KAZN: variants seen among roughly 807,000 people sequenced by gnomAD.
KAZN encodes the protein kazrin.
KAZN carries 40 observed loss-of-function variants against 87.4 expected under a neutral mutation model. That is an observed-to-expected ratio of 0.46 (90% CI 0.36 to 0.60). The LOEUF is 0.60. Ranked by LOEUF, KAZN falls within the 20% of genes least tolerant of loss-of-function variation. The pLI, the probability that KAZN is intolerant of heterozygous loss-of-function variation, is 0.00. For missense variants in KAZN, 898 were observed against 1,073.9 expected (o/e 0.84, Z 2.29); for synonymous variants, 466 against 458.3 (o/e 1.02, Z -0.22).
intron 5 of KAZN, among the ~76,000 whole-genome samples, chr1:15,057,897 G>A (rs1392457016): frequency 6.6e-6 from 1 of 152,228 alleles, no homozygotes; most frequent in Non-Finnish European, 1.5e-5. Flanking sequence ...CCTCTGCAGG[G>A]CCTCTCCTCA....
At chr1:13,897,359 A>G (rs973128360) in intron 1 of KAZN, among the ~76,000 whole-genome samples, 1 of 152,162 alleles carries the variant, frequency 6.6e-6, no homozygotes, top group Non-Finnish European at 1.5e-5. Flanking sequence ...CACAATGTGA[A>G]AGGGATCAAG....
intron 1 of KAZN, among the ~76,000 whole-genome samples, chr1:14,066,604 A>G (rs1643019301): frequency 6.6e-6 from 1 of 152,206 alleles, no homozygotes; most frequent in Admixed American, 6.5e-5. Context: ...TCAGTTGTAT[A>G]AGGGATCACA....
At chr1:13,925,527 AC>A (rs1398277780) in intron 1 of KAZN, among the ~76,000 whole-genome samples, 1 of 151,194 alleles carries the variant, frequency 6.6e-6, no homozygotes, top group Non-Finnish European at 1.5e-5. Flanking sequence ...AGGTCTAAAG[AC>A]CCTGCGATAG....
chr1:14,838,685 A>G (rs375760392), intron 1 of KAZN, among the ~76,000 whole-genome samples: 113 of 152,220 alleles, frequency 7.4e-4, no homozygotes, highest in African/African-American at 2.6e-3. Context: ...CATTGGTGGG[A>G]TCTCAGCTCA....
intron 1 of KAZN, among the ~76,000 whole-genome samples, chr1:14,824,174 T>C (rs1231957205): frequency 6.7e-6 from 1 of 149,880 alleles, no homozygotes; most frequent in Admixed American, 6.6e-5. Flanking sequence ...ACTTTCAGAC[T>C]CAATTCAGGC....
intron 1 of KAZN, among the ~76,000 whole-genome samples, chr1:13,985,193 T>TA (rs2101091945): frequency 6.6e-6 from 1 of 152,244 alleles, no homozygotes; most frequent in East Asian, 1.9e-4. Flanking sequence ...TTCCTTTTTA[T>TA]AAAGCTGAAT....
At chr1:14,063,566 T>C (rs567144917) in intron 1 of KAZN, among the ~76,000 whole-genome samples, 1 of 152,274 alleles carries the variant, frequency 6.6e-6, no homozygotes, top group South Asian at 2.1e-4. Context: ...AAGTTTCAAC[T>C]CTACAGAGTT....
intron 1 of KAZN, among the ~76,000 whole-genome samples, chr1:14,712,547 G>C (rs997021126): frequency 6.6e-6 from 1 of 152,202 alleles, no homozygotes; most frequent in Non-Finnish European, 1.5e-5. Context: ...CTGGGAAATA[G>C]AGCATTTTGC....
Position 14,285,753 on chromosome 1 carries a change from A to G in KAZN, c.249+105161A>G, listed in dbSNP as rs138298476. ...ATAGTTCTTGAGCCAAGGTGCCTTCATATTCCTTTTGCACTGGGCCCTGCA... is the reference window on the plus strand; with the variant it reads ...ATAGTTCTTGAGCCAAGGTGCCTTCGTATTCCTTTTGCACTGGGCCCTGCA... On this transcript the variant is annotated intron_variant, in intron 2 of 16. Transcript: ENST00000636203. Among the ~76,000 whole-genome samples, 4 of 152,242 alleles carry G rather than the reference A, an allele frequency of 2.6e-5. No homozygotes were observed. In the East Asian group the frequency reaches 7.7e-4, roughly 29 times the overall value.
At chr1:14,304,275 C>A (rs1170652835) in intron 2 of KAZN, among the ~76,000 whole-genome samples, 4 of 152,182 alleles carry the variant, frequency 2.6e-5, no homozygotes, top group African/African-American at 4.8e-5. Context: ...CAACTTTCAT[C>A]CAACATCTCC....
At chr1:14,876,971 C>CCCAAACT (rs1363676871) in intron 1 of KAZN, among the ~76,000 whole-genome samples, 1 of 152,192 alleles carries the variant, frequency 6.6e-6, no homozygotes, top group Non-Finnish European at 1.5e-5. Context: ...AGAAATTCAA[C>CCCAAACT]CCAAACTGTC....
intron 2 of KAZN, among the ~76,000 whole-genome samples, chr1:15,008,107 C>T (rs552670421): frequency 1.4e-4 from 21 of 152,296 alleles, no homozygotes; most frequent in Admixed American, 6.5e-4. Context: ...GTCTTGAACT[C>T]GTGGCCTGCG....
intron 1 of KAZN, among the ~76,000 whole-genome samples, chr1:14,755,297 A>G (rs895461642): frequency 6.6e-6 from 1 of 152,134 alleles, no homozygotes; most frequent in East Asian, 1.9e-4. Flanking sequence ...TACTATTGCC[A>G]TGCTTGTCCC....
In KAZN at chr1:13,907,221, A is replaced by AC. The variant is rs1376641219; in HGVS notation, c.91+13470dup. Among the ~76,000 whole-genome samples, 3 of 152,160 alleles carry AC rather than the reference A, an allele frequency of 2.0e-5. No individual in the cohort carries two copies. In the East Asian group the frequency reaches 5.8e-4, roughly 29 times the overall value. On this transcript the variant is annotated intron_variant, in intron 1 of 16. Coordinates refer to the KAZN transcript ENST00000636203. ...ATAGAATCTTCCAGCACCACAGGGCACCCCCTCCAGGACTAGAGTCCCACT... is the reference window on the plus strand; with the variant it reads ...ATAGAATCTTCCAGCACCACAGGGCACCCCCCTCCAGGACTAGAGTCCCACT...
Position 14,639,058 on chromosome 1 carries a change from C to T in KAZN, c.226+39835C>T, listed in dbSNP as rs146398155. On this transcript the variant is annotated intron_variant, in intron 1 of 14. Transcript: ENST00000376030. ...TGGGCTGCAGCCATCCTGAAGTTGC[C>T]TCAGTCCCTGAAACGCATCTTTCAT... 3.4e-4 allele frequency among the ~76,000 whole-genome samples: 52 copies of T among 152,322 alleles called. 1 individual carries two copies. Among genetic ancestry groups the T allele is most frequent in the African/African-American group, 1.2e-3 (51 of 41,582 alleles).
chr1:13,980,423 G>A (rs1473019212), intron 1 of KAZN, among the ~76,000 whole-genome samples: 2 of 151,884 alleles, frequency 1.3e-5, no homozygotes, highest in African/African-American at 4.8e-5. Context: ...AAAGCTAAAA[G>A]TAAAATGGTA....
At chr1:15,014,405 C>T (rs923024250) in intron 2 of KAZN, among the ~76,000 whole-genome samples, 1 of 152,118 alleles carries the variant, frequency 6.6e-6, no homozygotes, top group Non-Finnish European at 1.5e-5. Flanking sequence ...TGCTCCACGG[C>T]GGAGGCTGGG....
intron 2 of KAZN, among the ~76,000 whole-genome samples, chr1:14,346,678 G>T (rs1658134005): frequency 6.6e-6 from 1 of 152,058 alleles, no homozygotes; most frequent in African/African-American, 2.4e-5. Flanking sequence ...GGATTGAGGT[G>T]GCGCCCAGGA....
chr1:14,528,148 GC>G (rs1672000268), intron 2 of KAZN, among the ~76,000 whole-genome samples: 3 of 151,544 alleles, frequency 2.0e-5, no homozygotes, highest in Non-Finnish European at 4.4e-5. Context: ...TGTCAGCCTG[GC>G]CAACATGGTG....
Sources: allele counts gnomAD v4.1 joint callset (sites outside exome capture counted in the v4.1 genomes callset), GRCh38; gene constraint gnomAD v4.1.1; transcripts MANE v1.5; gene names NCBI Gene and HGNC (gene_info 2026-07-23, HGNC 2026-07-21).